CUBN: variants seen among roughly 807,000 people sequenced by gnomAD.
CUBN encodes 460 kDa receptor.
In CUBN, 282 loss-of-function variants were observed where a neutral mutation model predicts 405.3. That is an observed-to-expected ratio of 0.70 (90% CI 0.63 to 0.77). The LOEUF (loss-of-function observed/expected upper bound fraction) is 0.77. Among genes scored for constraint, CUBN ranks in the 30% least tolerant of loss-of-function variants. The pLI, the probability that CUBN is intolerant of heterozygous loss-of-function variation, is 0.00. For missense variants in CUBN, 4,514 were observed against 4,475.2 expected (o/e 1.01, Z -0.25); for synonymous variants, 1,684 against 1,617.0 (o/e 1.04, Z -0.99).
At position 16,869,901 on chromosome 10, in the gene CUBN, T is replaced by A. The variant is rs781116192; in HGVS notation, c.9237-48A>T. ...ACTGATGTTTCCATTTGGACTTCTA[T>A]TAAATTGTAGCTTTAGCTCTTGCAA... On this transcript the variant is annotated intron_variant, in intron 58 of 66. Coordinates refer to ENST00000377833, the MANE Select transcript of CUBN (RefSeq NM_001081.4). 3.6e-6 allele frequency: 5 copies of A among 1,382,450 alleles called. No homozygotes were observed. The East Asian group carries it at 1.2e-4, about 32-fold the overall frequency. 85.6% of individuals were successfully genotyped at this position (1,382,450 alleles called of 1,614,324 possible).
intron 59 of CUBN, among the ~76,000 whole-genome samples, chr10:16,855,051 T>G (rs1588590368): frequency 1.3e-5 from 1 of 76,760 alleles, no homozygotes. Context: ...TCTCTTCCCC[T>G]CCCCTCCCCT....
Position 16,899,013 on chromosome 10 carries a change from G to T in CUBN, c.8581C>A (p.Gln2861Lys). The stretch of plus-strand genomic sequence containing the variant: ...GTACTAACCTTCACGAAGCTATTCT[G>T]ACATTGTCCATCACCGCTGGGGATT... ...FLIPSGDGQC[Q>K]NSFVKVWAGT... Residue 2861 changes from glutamine (Q) to lysine (K), a missense_variant, in exon 54 of 67, where the codon CAG becomes AAG. Coordinates refer to ENST00000377833, the MANE Select transcript of CUBN (RefSeq NM_001081.4). The T allele has an allele frequency of 6.2e-7, 1 of 1,612,388 alleles. No homozygotes were observed. Among genetic ancestry groups the T allele is most frequent in the Non-Finnish European group, 8.5e-7 (1 of 1,178,414 alleles).
intron 31 of CUBN, among the ~76,000 whole-genome samples, chr10:16,969,914 C>T (rs369180898): frequency 1.3e-4 from 20 of 152,338 alleles, no homozygotes; most frequent in Admixed American, 8.5e-4. Context: ...CCACCACTGA[C>T]GTCACTGGGC....
chr10:16,860,645 A>T (rs1052135056), intron 59 of CUBN, among the ~76,000 whole-genome samples: 1 of 152,196 alleles, frequency 6.6e-6, no homozygotes, highest in African/African-American at 2.4e-5. Flanking sequence ...CTCTCCTAGT[A>T]ATTTTCTATT....
chr10:16,916,099 AT>A (rs1368907058), intron 45 of CUBN, 69 bp from the exon 46 acceptor site: 59 of 1,522,730 alleles, frequency 3.9e-5, no homozygotes, highest in Middle Eastern at 3.7e-4. Flanking sequence ...TCTATTACAA[AT>A]TTTGTTTTCT....
chr10:17,050,677 T>C (rs576984091), intron 22 of CUBN, among the ~76,000 whole-genome samples: 2 of 152,232 alleles, frequency 1.3e-5, no homozygotes, highest in East Asian at 1.9e-4. Flanking sequence ...GATACCTCCT[T>C]AACACCTCAG....
chr10:16,898,068 AT>A (rs2131414910), intron 54 of CUBN, among the ~76,000 whole-genome samples: 2 of 6,196 alleles, frequency 3.2e-4, no homozygotes, highest in South Asian at 0.077. Flanking sequence ...TATTATATGT[AT>A]ATATATATAT....
Position 17,071,579 on chromosome 10 carries a change from T to A in CUBN, c.2472A>T (p.Glu824Asp). ...GAAAAAAAGGCGAGCGAATGACCCC[T>A]TCTCCAGTTAATTCATCCCCGCAAG... Reference protein sequence around the residue: ...QVACGDELTGEGVIRSPFFPN... With the variant: ...QVACGDELTGDGVIRSPFFPN... The change falls in exon 19 of 67, where the codon GAA becomes GAT. Residue 824 changes from glutamate to aspartate, a missense_variant. Glu to Asp is a conservative substitution (Grantham distance 45). Around this residue, in one of 5 missense-constraint regions of CUBN, gnomAD observed 1,448 missense variants for 1,388.0 expected, o/e 1.04. Coordinates refer to ENST00000377833, the MANE Select transcript of CUBN (RefSeq NM_001081.4). 1 of 1,613,778 alleles carries A rather than the reference T, an allele frequency of 6.2e-7. No individual in the cohort carries two copies. The highest frequency in any genetic ancestry group is 8.5e-7 in the Non-Finnish European group (1 of 1,179,862).
At chr10:16,833,800 C>A (rs1027295435) in intron 64 of CUBN, among the ~76,000 whole-genome samples, 1 of 152,114 alleles carries the variant, frequency 6.6e-6, no homozygotes, top group African/African-American at 2.4e-5. Flanking sequence ...CTGCCTACAC[C>A]GGTACATTTC....
chr10:16,849,206 T>G lies in CUBN; in HGVS notation c.9663+2029A>C, dbSNP rs531258351. Among the ~76,000 whole-genome samples, 14 of 152,308 alleles carry G rather than the reference T, an allele frequency of 9.2e-5. 1 individual carries two copies. In the South Asian group the frequency reaches 2.9e-3, roughly 32 times the overall value. On this transcript the variant is annotated intron_variant, in intron 60 of 66. Coordinates refer to ENST00000377833, the MANE Select transcript of CUBN (RefSeq NM_001081.4). ...TCAATAGTATTGACCACCCATGCTT[T>G]GTAAAAGAATCCCCCTGCCCCTTGA...
chr10:16,963,129 G>A (rs1843280067), intron 31 of CUBN, among the ~76,000 whole-genome samples: 1 of 144,822 alleles, frequency 6.9e-6, no homozygotes, highest in South Asian at 2.2e-4. Flanking sequence ...ATGAAGGTAA[G>A]TTTTTCTCAT....
At chr10:16,842,205 T>C (rs1839374622) in intron 60 of CUBN, among the ~76,000 whole-genome samples, 1 of 151,974 alleles carries the variant, frequency 6.6e-6, no homozygotes, top group Admixed American at 6.6e-5. Flanking sequence ...CCACCATGCC[T>C]AGCTAATTAA....
chr10:16,937,721 A>G lies in CUBN; in HGVS notation c.5797T>C (p.Ser1933Pro). The G allele has an allele frequency of 6.2e-7, 1 of 1,614,180 alleles. No homozygotes were observed. The highest frequency in any genetic ancestry group is 8.5e-7 in the Non-Finnish European group (1 of 1,180,008). The change falls in exon 39 of 67, where the codon TCT becomes CCT. Residue 1933 changes from serine to proline, a missense_variant. By Grantham distance (74) the Ser-to-Pro change is moderately conservative. Coordinates refer to ENST00000377833, the MANE Select transcript of CUBN (RefSeq NM_001081.4). ...AAAGAATTTCCAGTGGAGCTGAAAGATTCAGTCTGGGTACCACAGTAAGCT... is the reference window on the plus strand; with the variant it reads ...AAAGAATTTCCAGTGGAGCTGAAAGGTTCAGTCTGGGTACCACAGTAAGCT... ...IGAYCGTQTE[S>P]FSSTGNSLTF...
chr10:16,972,760 C>A (rs570794397), intron 31 of CUBN, among the ~76,000 whole-genome samples: 11 of 152,148 alleles, frequency 7.2e-5, no homozygotes, highest in East Asian at 5.8e-4. Context: ...GGCTTCCCCC[C>A]ACCATCTCTA....
intron 21 of CUBN, among the ~76,000 whole-genome samples, chr10:17,067,189 C>T (rs73602207): frequency 0.027 from 4,153 of 152,048 alleles, 197 homozygotes; most frequent in African/African-American, 0.096. Flanking sequence ...TCTATAAAAC[C>T]ATAGCAGGAA....
At chr10:16,841,068 T>C (rs1469815589) in intron 60 of CUBN, 21 bp from the exon 61 acceptor site, 2 of 1,612,716 alleles carry the variant, frequency 1.2e-6, no homozygotes, top group East Asian at 2.2e-5. Context: ...AAACAATTCA[T>C]TACTTCTCCA....
At chr10:17,092,180 C>T (rs1047475396) in intron 14 of CUBN, among the ~76,000 whole-genome samples, 1 of 152,144 alleles carries the variant, frequency 6.6e-6, no homozygotes, top group Non-Finnish European at 1.5e-5. Flanking sequence ...ATGAACGGGT[C>T]TCACCATACT....
chr10:16,879,161 C>T (rs951816083), intron 56 of CUBN, among the ~76,000 whole-genome samples: 1 of 152,196 alleles, frequency 6.6e-6, no homozygotes, highest in African/African-American at 2.4e-5. Flanking sequence ...ATAGTAGTTA[C>T]ATCAGTATAC....
In CUBN at chr10:17,045,084, G is replaced by A. The variant is rs1480506599; in HGVS notation, c.3595C>T (p.His1199Tyr). The A allele has an allele frequency of 6.2e-7, 1 of 1,613,944 alleles. No individual in the cohort carries two copies. The highest frequency in any genetic ancestry group is 1.3e-5 in the African/African-American group (1 of 74,882). The change falls in exon 25 of 67, where the codon CAC becomes TAC. Residue 1199 changes from histidine to tyrosine, a missense_variant. His to Tyr is a moderately conservative substitution (Grantham distance 83). Around this residue, in one of 5 missense-constraint regions of CUBN, gnomAD observed 242 missense variants for 309.0 expected, o/e 0.78. Coordinates refer to ENST00000377833, the MANE Select transcript of CUBN (RefSeq NM_001081.4). ...SECYWWLKSS[H>Y]GSAFELEFKD... is the part of the protein sequence containing the mutation. ...AATTCCAGTTCAAATGCGCTGCCGTGGCTAGATTTCAACCACCAGTAGCAT... is the reference window on the plus strand; with the variant it reads ...AATTCCAGTTCAAATGCGCTGCCGTAGCTAGATTTCAACCACCAGTAGCAT...
Sources: allele counts gnomAD v4.1 joint callset (sites outside exome capture counted in the v4.1 genomes callset), GRCh38; gene constraint gnomAD v4.1.1; regional missense constraint gnomAD v4.1.1; transcripts MANE v1.5; gene names NCBI Gene and HGNC (gene_info 2026-07-23, HGNC 2026-07-21).